The following PAM variants were observed in gnomAD, a reference collection of about 807,000 sequenced individuals.
The protein encoded by PAM is peptidylglycine alpha-amidating monooxygenase.
Under a neutral mutation model 122.1 loss-of-function variants are expected in PAM, and 72 were observed. The ratio of observed to expected loss-of-function variants is 0.59; its 90% CI spans 0.49 to 0.72. The LOEUF is 0.72. PAM is among the 30% of genes least tolerant of loss of function. The probability of loss-of-function intolerance (pLI) is 0.00; values close to 1 mark genes in which losing one functional copy is unlikely to be tolerated. For synonymous variants in PAM, 389 were observed against 404.4 expected (o/e 0.96, Z 0.46); for missense variants, 1,106 against 1,183.7 (o/e 0.93, Z 0.96).
At chr5:103,009,608 A>G (rs1454261686) in intron 20 of PAM, 143 bp from the exon 21 acceptor site, 1 of 551,524 alleles carries the variant, frequency 1.8e-6, no homozygotes, top group East Asian at 3.4e-5. Flanking sequence ...AGGAGACACT[A>G]AGTATTTTAT....
chr5:103,025,041 A>G, intron 23 of PAM, 90 bp from the exon 24 acceptor site: 2 of 839,930 alleles, frequency 2.4e-6, no homozygotes, highest in Non-Finnish European at 1.9e-6. Flanking sequence ...TTCTTTGTGA[A>G]CAGTTATTGA....
At chr5:102,861,168 G>A (rs1784072113) in intron 1 of PAM, among the ~76,000 whole-genome samples, 1 of 152,190 alleles carries the variant, frequency 6.6e-6, no homozygotes, top group South Asian at 2.1e-4. Flanking sequence ...TCCAGCTCCA[G>A]TCAAGCCTTC....
chr5:102,878,955 G>T (rs1790090944), intron 3 of PAM, among the ~76,000 whole-genome samples: 1 of 151,718 alleles, frequency 6.6e-6, no homozygotes, highest in Non-Finnish European at 1.5e-5. Flanking sequence ...TTGAGACGGA[G>T]TCTCGCTCTG....
chr5:102,834,617 T>G (rs953559176), intron 1 of PAM, among the ~76,000 whole-genome samples: 3 of 152,076 alleles, frequency 2.0e-5, no homozygotes, highest in African/African-American at 7.2e-5. Flanking sequence ...TGAGCAAAGA[T>G]CTGAAGGGCA....
intron 3 of PAM, among the ~76,000 whole-genome samples, chr5:102,888,568 A>T (rs1793845241): frequency 6.6e-6 from 1 of 151,888 alleles, no homozygotes; most frequent in African/African-American, 2.4e-5. Context: ...AGAACTCCCT[A>T]AAATGTCACC....
intron 7 of PAM, among the ~76,000 whole-genome samples, chr5:102,930,013 T>G (rs1289146494): frequency 6.6e-6 from 1 of 152,184 alleles, no homozygotes; most frequent in Non-Finnish European, 1.5e-5. Context: ...TTCCTTAGTA[T>G]GAAAAGATTG....
At chr5:102,857,854 A>G (rs1397130811) in intron 1 of PAM, among the ~76,000 whole-genome samples, 1 of 152,212 alleles carries the variant, frequency 6.6e-6, no homozygotes, top group East Asian at 1.9e-4. Context: ...ATGGTATTCA[A>G]AGGATTTACC....
At chr5:102,908,725 GA>G (rs894591997) in intron 4 of PAM, among the ~76,000 whole-genome samples, 19 of 143,884 alleles carry the variant, frequency 1.3e-4, no homozygotes, top group East Asian at 8.2e-4. Context: ...AATAATAAAA[GA>G]AAAAAAAATA....
chr5:102,931,249 G>C lies in PAM; in HGVS notation c.526+4581G>C, dbSNP rs1321715493. ...TCTCATTATTTTTAGACACAGAACT[G>C]TTTTGAGTGTGTCACGTTGCCAGTA... is the stretch of plus-strand genomic sequence containing the variant. On this transcript the variant is annotated intron_variant, in intron 7 of 25. Transcript: ENST00000438793. Among the ~76,000 whole-genome samples, 11 of 152,168 alleles carry C rather than the reference G, an allele frequency of 7.2e-5. No individual in the cohort carries two copies. In the East Asian group the frequency reaches 1.9e-3, roughly 27 times the overall value.
At chr5:103,012,383 C>G (rs1780871749) in intron 21 of PAM, among the ~76,000 whole-genome samples, 1 of 152,150 alleles carries the variant, frequency 6.6e-6, no homozygotes, top group Non-Finnish European at 1.5e-5. Context: ...CTTGTGGTAA[C>G]TTCACAGTTT....
At chr5:102,757,338 CTAAA>C (rs1259573337) in intron 1 of PAM, among the ~76,000 whole-genome samples, 1 of 151,854 alleles carries the variant, frequency 6.6e-6, no homozygotes, top group African/African-American at 2.4e-5. Context: ...AAAGATAAAA[CTAAA>C]TAAATAAATA....
chr5:102,835,488 T>G (rs1776764273), intron 1 of PAM, among the ~76,000 whole-genome samples: 1 of 152,100 alleles, frequency 6.6e-6, no homozygotes, highest in Admixed American at 6.6e-5. Flanking sequence ...TTTCTCCTTT[T>G]AAATTCACCT....
chr5:102,866,043 T>C lies in PAM; in HGVS notation c.-153T>C. On this transcript the variant is annotated 5_prime_UTR_variant, in exon 2 of 26. Transcript: ENST00000438793. ...CGCCTCGCCGCGGCCAGCTCGCTGC[T>C]CTCGCTGGCGGATGGTGTGTGGCCG... is the stretch of plus-strand genomic sequence containing the variant. 2.1e-6 allele frequency: 1 copy of C among 467,728 alleles called. No homozygotes were observed. The highest frequency in any genetic ancestry group is 3.7e-6 in the Non-Finnish European group (1 of 270,198). The allele number at this position is 467,728 out of a possible 1,614,324, so 29.0% of individuals were successfully genotyped here. A position where few individuals can be genotyped will look rare whatever the true frequency, so the allele number is the denominator to read the frequency against.
rs930565527 is a variant in PAM at position 103,019,857 on chromosome 5, C to A, written c.2485+14C>A. ...AGGAAATCAAAGGTTGGTCAGATTC[C>A]TCTTATTACTATAAAACCAAAGTCT... On this transcript the variant is annotated intron_variant, in intron 23 of 25. Transcript: ENST00000438793. The A allele has an allele frequency of 1.0e-5, 16 of 1,550,676 alleles. No homozygotes were observed. The African/African-American group carries it at 2.2e-4, about 21-fold the overall frequency.
intron 5 of PAM, 147 bp from the exon 6 acceptor site, chr5:102,924,810 T>C: frequency 1.7e-6 from 1 of 574,330 alleles, no homozygotes; most frequent in Non-Finnish European, 3.2e-6. Flanking sequence ...CAGTCTTTAT[T>C]CGGATCTTAA....
intron 5 of PAM, among the ~76,000 whole-genome samples, chr5:102,921,113 A>G (rs755847176): frequency 3.3e-5 from 5 of 152,168 alleles, no homozygotes; most frequent in Non-Finnish European, 7.4e-5. Context: ...CTAAGAAACC[A>G]CAAGGGAGCT....
intron 1 of PAM, among the ~76,000 whole-genome samples, chr5:102,862,455 G>A (rs1229275485): frequency 1.3e-5 from 2 of 152,056 alleles, no homozygotes; most frequent in Non-Finnish European, 2.9e-5. Flanking sequence ...CTATGTGAAT[G>A]GATATGTGCC....
chr5:102,885,347 G>A (rs527980384), intron 3 of PAM, among the ~76,000 whole-genome samples: 6 of 151,962 alleles, frequency 3.9e-5, no homozygotes, highest in Non-Finnish European at 7.4e-5. Flanking sequence ...TACAGTTGAC[G>A]TTATCAGTTA....
intron 1 of PAM, among the ~76,000 whole-genome samples, chr5:102,841,752 T>A (rs886288781): frequency 2.0e-5 from 3 of 152,176 alleles, no homozygotes; most frequent in Admixed American, 2.0e-4. Flanking sequence ...ATTCATTAAT[T>A]TATTTTGAAA....
Sources: allele counts gnomAD v4.1 joint callset (sites outside exome capture counted in the v4.1 genomes callset), GRCh38; gene constraint gnomAD v4.1.1; transcripts MANE v1.5; gene names NCBI Gene and HGNC (gene_info 2026-07-23, HGNC 2026-07-21).